The following SPOCK3 variants were observed in gnomAD, a reference collection of about 807,000 sequenced individuals.
The protein encoded by SPOCK3 is testican-3.
In SPOCK3, 30 loss-of-function variants were observed where a neutral mutation model predicts 56.6. The observed-to-expected ratio is 0.53, with a 90% confidence interval of 0.40 to 0.72. The LOEUF (loss-of-function observed/expected upper bound fraction) is 0.72. SPOCK3 is among the 30% of genes least tolerant of loss of function. SPOCK3 has a pLI of 0.00. For missense variants in SPOCK3, 527 were observed against 530.0 expected (o/e 0.99, Z 0.06); for synonymous variants, 196 against 183.3 (o/e 1.07, Z -0.56).
intron 2 of SPOCK3, among the ~76,000 whole-genome samples, chr4:167,093,791 T>A (rs1034878132): frequency 4.6e-5 from 7 of 152,176 alleles, no homozygotes; most frequent in African/African-American, 1.7e-4. Flanking sequence ...CGATTTATAA[T>A]CCTTTGGGTA....
chr4:167,179,035 C>T (rs1445909293), intron 2 of SPOCK3, among the ~76,000 whole-genome samples: 1 of 152,006 alleles, frequency 6.6e-6, no homozygotes, highest in East Asian at 1.9e-4. Flanking sequence ...TTTGGGATTT[C>T]CTGAGTAAAC....
chr4:167,075,696 CA>C (rs1757121173), intron 2 of SPOCK3, among the ~76,000 whole-genome samples: 1 of 151,878 alleles, frequency 6.6e-6, no homozygotes, highest in Non-Finnish European at 1.5e-5. Flanking sequence ...GGCTGGAATT[CA>C]GTAGCATGAC....
At chr4:166,961,149 T>C (rs1489202064) in intron 4 of SPOCK3, among the ~76,000 whole-genome samples, 1 of 151,842 alleles carries the variant, frequency 6.6e-6, no homozygotes, top group Non-Finnish European at 1.5e-5. Context: ...CTTGGCGAAG[T>C]ACAAAATAAT....
At chr4:167,001,882 A>G (rs1256497440) in intron 3 of SPOCK3, among the ~76,000 whole-genome samples, 1 of 152,222 alleles carries the variant, frequency 6.6e-6, no homozygotes, top group African/African-American at 2.4e-5. Context: ...ACTCAAGCTG[A>G]TTCTTAAGCA....
chr4:166,927,736 T>C (rs1369023924), intron 4 of SPOCK3, among the ~76,000 whole-genome samples: 2 of 152,146 alleles, frequency 1.3e-5, no homozygotes, highest in Non-Finnish European at 1.5e-5. Context: ...CTGTATTTCA[T>C]TACAATTAAA....
intron 6 of SPOCK3, among the ~76,000 whole-genome samples, chr4:166,855,601 A>C (rs976840651): frequency 1.3e-5 from 2 of 151,350 alleles, no homozygotes; most frequent in African/African-American, 2.4e-5. Context: ...AAAAGAAAAA[A>C]AACAAAAAAT....
chr4:166,851,106 C>G (rs539688014), intron 6 of SPOCK3, among the ~76,000 whole-genome samples: 121 of 152,172 alleles, frequency 8.0e-4, no homozygotes, highest in African/African-American at 2.5e-3. Context: ...TCTCCCAGCA[C>G]GCAGCTGGAG....
intron 3 of SPOCK3, among the ~76,000 whole-genome samples, chr4:167,051,784 A>G (rs1470722525): frequency 6.6e-6 from 1 of 152,208 alleles, no homozygotes; most frequent in Non-Finnish European, 1.5e-5. Context: ...CTGTCAAAAG[A>G]GCAGTGGTTC....
rs187198942 is a variant in SPOCK3 at position 166,980,615 on chromosome 4, G to A, written c.350+19734C>T. Among the ~76,000 whole-genome samples, 352 of 152,366 alleles carry A rather than the reference G, an allele frequency of 2.3e-3. 2 individuals are homozygous for A. The highest frequency in any genetic ancestry group is 0.01 in the Middle Eastern group (3 of 294). On this transcript the variant is annotated intron_variant, in intron 4 of 10. Coordinates refer to ENST00000357545, the MANE Select transcript of SPOCK3 (RefSeq NM_001040159.2). ...GTGCAGGGTGCTTGCATGAGCAAGC[G>A]TGGGGTCCGGCCACTGTGCACAGCT... is the stretch of plus-strand genomic sequence containing the variant.
intron 7 of SPOCK3, among the ~76,000 whole-genome samples, chr4:166,769,664 G>A (rs368021716): frequency 3.6e-4 from 55 of 152,222 alleles, no homozygotes; most frequent in East Asian, 1.7e-3. Flanking sequence ...CAGTCTGTCC[G>A]TTCTCAGATC....
chr4:166,764,098 C>T (rs1270270409), intron 7 of SPOCK3, among the ~76,000 whole-genome samples: 1 of 152,056 alleles, frequency 6.6e-6, no homozygotes, highest in Non-Finnish European at 1.5e-5. Context: ...ACCATCCATA[C>T]TTCTAGGCTT....
chr4:166,778,014 T>C (rs2126603103), intron 7 of SPOCK3, among the ~76,000 whole-genome samples: 1 of 152,272 alleles, frequency 6.6e-6, no homozygotes, highest in East Asian at 1.9e-4. Context: ...AAAATGCTTT[T>C]GCTTGTCCTG....
At chr4:166,963,668 T>C (rs1744395182) in intron 4 of SPOCK3, among the ~76,000 whole-genome samples, 1 of 152,018 alleles carries the variant, frequency 6.6e-6, no homozygotes, top group African/African-American at 2.4e-5. Context: ...TAAAATTTGC[T>C]ATTAAATATT....
intron 7 of SPOCK3, among the ~76,000 whole-genome samples, chr4:166,755,664 A>G (rs1186804096): frequency 6.6e-6 from 1 of 152,076 alleles, no homozygotes; most frequent in Non-Finnish European, 1.5e-5. Flanking sequence ...GATGTATTGG[A>G]GACATGGGGA....
chr4:167,111,149 A>C (rs1760870025), intron 2 of SPOCK3, among the ~76,000 whole-genome samples: 1 of 152,102 alleles, frequency 6.6e-6, no homozygotes, highest in Non-Finnish European at 1.5e-5. Context: ...TTGTATATAT[A>C]GCCTATATGT....
chr4:167,177,691 T>A (rs996077066), intron 2 of SPOCK3, among the ~76,000 whole-genome samples: 1 of 152,160 alleles, frequency 6.6e-6, no homozygotes, highest in African/African-American at 2.4e-5. Context: ...CAGCAATCAC[T>A]CATATCAGCA....
chr4:166,788,526 C>A (rs1284667987), intron 7 of SPOCK3, among the ~76,000 whole-genome samples: 1 of 151,740 alleles, frequency 6.6e-6, no homozygotes, highest in Non-Finnish European at 1.5e-5. Context: ...CATGTTCATT[C>A]TTGCCACATT....
At chr4:166,965,856 C>A (rs985405805) in intron 4 of SPOCK3, among the ~76,000 whole-genome samples, 24 of 152,074 alleles carry the variant, frequency 1.6e-4, no homozygotes, top group Non-Finnish European at 7.4e-5. Flanking sequence ...ATTATAATCA[C>A]ACAAAATCTA....
rs139788175 is a variant in SPOCK3 at position 166,781,051 on chromosome 4, G to A, written c.709+11119C>T. Among the ~76,000 whole-genome samples the A allele has an allele frequency of 6.7e-3, 1,014 of 152,182 alleles. 2 individuals carry two copies. The highest frequency in any genetic ancestry group is 0.012 in the Non-Finnish European group (791 of 68,006). ...ATCAGAATAGACTGGCTCAACTGCCGTACTAAAAGCCATGCAAAAGAAGAG... is the reference window on the plus strand; with the variant it reads ...ATCAGAATAGACTGGCTCAACTGCCATACTAAAAGCCATGCAAAAGAAGAG... On this transcript the variant is annotated intron_variant, in intron 7 of 10. Coordinates refer to ENST00000357545, the MANE Select transcript of SPOCK3 (RefSeq NM_001040159.2).
Sources: gnomAD v4.1 joint callset for allele counts (sites outside exome capture counted in the v4.1 genomes callset) on GRCh38, gnomAD v4.1.1 for gene constraint, MANE v1.5 for transcripts, NCBI Gene and HGNC (gene_info 2026-07-23, HGNC 2026-07-21) for gene names.